LHFPL2: variants seen among roughly 807,000 people sequenced by gnomAD.
LHFPL2 encodes LHFPL tetraspan subfamily member 2 protein.
Under a neutral mutation model 17.5 loss-of-function variants are expected in LHFPL2, and 7 were observed. The ratio of observed to expected loss-of-function variants is 0.40; its 90% CI spans 0.23 to 0.75. The LOEUF (loss-of-function observed/expected upper bound fraction) is 0.75, where lower values mean the gene tolerates loss of function less well. LHFPL2 is among the 30% of genes least tolerant of loss of function. LHFPL2 has a pLI of 0.37. For missense variants in LHFPL2, 241 were observed against 294.8 expected (o/e 0.82, Z 1.34); for synonymous variants, 134 against 116.2 (o/e 1.15, Z -0.99).
intron 2 of LHFPL2, among the ~76,000 whole-genome samples, chr5:78,591,317 A>G (rs969460619): frequency 1.3e-5 from 2 of 152,236 alleles, no homozygotes; most frequent in African/African-American, 4.8e-5. Context: ...AGTGCCCTGC[A>G]ACATTTTTCC....
chr5:78,503,957 C>G (rs1307958933), intron 4 of LHFPL2, among the ~76,000 whole-genome samples: 1 of 152,166 alleles, frequency 6.6e-6, no homozygotes, highest in Non-Finnish European at 1.5e-5. Context: ...TAGTAGGCAT[C>G]CAATACAAGT....
chr5:78,539,868 T>C (rs961200995), intron 3 of LHFPL2, among the ~76,000 whole-genome samples: 1 of 151,932 alleles, frequency 6.6e-6, no homozygotes, highest in African/African-American at 2.4e-5. Context: ...CCTTCAAAGT[T>C]ATTAAGATAT....
chr5:78,490,926 T>C (rs527706974), intron 4 of LHFPL2, among the ~76,000 whole-genome samples: 1 of 152,306 alleles, frequency 6.6e-6, no homozygotes, highest in African/African-American at 2.4e-5. Context: ...TGGCTCTGAG[T>C]TCTGTTTCTT....
intron 4 of LHFPL2, among the ~76,000 whole-genome samples, chr5:78,506,123 AG>A (rs1190886830): frequency 6.6e-6 from 1 of 152,254 alleles, no homozygotes; most frequent in Non-Finnish European, 1.5e-5. Context: ...TTACTGCTTA[AG>A]TTAGCCCAGA....
Position 78,509,977 on chromosome 5 carries a change from G to A in LHFPL2, c.237C>T (p.Asp79=). The change falls in exon 4 of 5, where the codon GAC becomes GAT. Residue 79 remains aspartate (D), a synonymous_variant. Coordinates refer to ENST00000380345, the MANE Select transcript of LHFPL2 (RefSeq NM_005779.3). The part of the protein sequence containing the change: ...RNPGVQHFQR[D]TLCGPYAESF... The stretch of plus-strand genomic sequence containing the variant: ...TCTCGGCGTAGGGCCCGCACAGCGT[G>A]TCCCGCTGGAAGTGCTGCACCCCTG... 1 of 1,613,812 alleles carries A rather than the reference G, an allele frequency of 6.2e-7. No homozygotes were observed. The highest frequency in any genetic ancestry group is 8.5e-7 in the Non-Finnish European group (1 of 1,179,974).
chr5:78,527,366 T>TG (rs1205771473), intron 3 of LHFPL2, among the ~76,000 whole-genome samples: 9 of 145,012 alleles, frequency 6.2e-5, no homozygotes, highest in Non-Finnish European at 1.1e-4. Context: ...ATGAGGAGTT[T>TG]TTTTTTTTTT....
intron 3 of LHFPL2, among the ~76,000 whole-genome samples, chr5:78,526,396 A>T (rs954457585): frequency 7.2e-5 from 11 of 152,118 alleles, no homozygotes; most frequent in Non-Finnish European, 1.6e-4. Context: ...TAAATTGAAA[A>T]CACCTCCTAA....
At position 78,547,459 on chromosome 5, in the gene LHFPL2, C is replaced by T. The variant is rs921250398; in HGVS notation, c.-186+17354G>A. Among the ~76,000 whole-genome samples the T allele has an allele frequency of 7.2e-5, 11 of 152,228 alleles. No individual in the cohort carries two copies. In the East Asian group the frequency reaches 1.3e-3, roughly 19 times the overall value. ...TGACGTCTGATATCATTACTCTGGG[C>T]TTCTGGAGGAGCCATAGTGCATTTA... On this transcript the variant is annotated intron_variant, in intron 3 of 4. Coordinates refer to ENST00000380345, the MANE Select transcript of LHFPL2 (RefSeq NM_005779.3).
At chr5:78,559,252 TG>T in intron 3 of LHFPL2, among the ~76,000 whole-genome samples, 1 of 152,320 alleles carries the variant, frequency 6.6e-6, no homozygotes, top group South Asian at 2.1e-4. Flanking sequence ...ACTTACAAAG[TG>T]GATGTTATAG....
chr5:78,518,848 C>T (rs1285046081), intron 3 of LHFPL2, among the ~76,000 whole-genome samples: 1 of 152,170 alleles, frequency 6.6e-6, no homozygotes, highest in Non-Finnish European at 1.5e-5. Context: ...TAGCTTCTAA[C>T]AATAGTGAGG....
chr5:78,545,879 G>A (rs972178310), intron 3 of LHFPL2, among the ~76,000 whole-genome samples: 5 of 152,148 alleles, frequency 3.3e-5, no homozygotes, highest in Non-Finnish European at 5.9e-5. Context: ...AGTCAGTCAA[G>A]GGCAGACCCT....
intron 2 of LHFPL2, among the ~76,000 whole-genome samples, chr5:78,587,057 C>T (rs1866950): frequency 0.47 from 71,331 of 151,738 alleles, 17,052 homozygotes; most frequent in African/African-American, 0.56. Flanking sequence ...CTTCCATTTT[C>T]TTCCTTCATT....
chr5:78,543,998 G>C (rs565565222), intron 3 of LHFPL2, among the ~76,000 whole-genome samples: 1 of 152,310 alleles, frequency 6.6e-6, no homozygotes, highest in East Asian at 1.9e-4. Flanking sequence ...GCCCAGGTGA[G>C]AGGGGCAGGC....
At chr5:78,615,146 G>C (rs1668519859) in intron 2 of LHFPL2, among the ~76,000 whole-genome samples, 1 of 152,154 alleles carries the variant, frequency 6.6e-6, no homozygotes, top group Non-Finnish European at 1.5e-5. Context: ...TCTATTCCCT[G>C]ACAGCCTTTG....
intron 2 of LHFPL2, among the ~76,000 whole-genome samples, chr5:78,614,366 G>A (rs1038763043): frequency 3.9e-5 from 6 of 152,198 alleles, no homozygotes; most frequent in African/African-American, 1.2e-4. Context: ...CAAAGGGTGG[G>A]AGATGGCAAG....
At chr5:78,586,727 G>GA (rs58105868) in intron 2 of LHFPL2, among the ~76,000 whole-genome samples, 1 of 151,758 alleles carries the variant, frequency 6.6e-6, no homozygotes, top group Non-Finnish European at 1.5e-5. Context: ...TTATAGGGGG[G>GA]AAAAAAAAGC....
chr5:78,561,850 A>T (rs1580809121), intron 3 of LHFPL2, among the ~76,000 whole-genome samples: 1 of 152,216 alleles, frequency 6.6e-6, no homozygotes, highest in African/African-American at 2.4e-5. Context: ...TAGAGCAGGG[A>T]TTTAATCCCA....
intron 3 of LHFPL2, among the ~76,000 whole-genome samples, chr5:78,541,396 T>A (rs922126773): frequency 1.3e-5 from 2 of 152,172 alleles, no homozygotes; most frequent in African/African-American, 4.8e-5. Context: ...ACTCCTGAAT[T>A]ACCCAAAGCG....
chr5:78,622,336 T>TATTCTA (rs1744884065), intron 2 of LHFPL2, among the ~76,000 whole-genome samples: 1 of 152,238 alleles, frequency 6.6e-6, no homozygotes, highest in African/African-American at 2.4e-5. Flanking sequence ...CCTATTACGA[T>TATTCTA]AGCAGCGCCA....
Sources: allele counts gnomAD v4.1 joint callset (sites outside exome capture counted in the v4.1 genomes callset), GRCh38; gene constraint gnomAD v4.1.1; transcripts MANE v1.5; gene names NCBI Gene and HGNC (gene_info 2026-07-23, HGNC 2026-07-21).